FGF14: variants seen among roughly 807,000 people sequenced by gnomAD.
The protein encoded by FGF14 is fibroblast growth factor 14.
A neutral mutation model predicts 25.5 loss-of-function variants in FGF14; 5 were observed. The ratio of observed to expected loss-of-function variants is 0.20; its 90% CI spans 0.10 to 0.41. The LOEUF (loss-of-function observed/expected upper bound fraction) is 0.41. Among genes scored for constraint, FGF14 ranks in the 10% least tolerant of loss-of-function variants. FGF14 has a pLI of 1.00. For missense variants in FGF14, 222 were observed against 320.1 expected, an observed-to-expected ratio of 0.69 and a Z score of 2.34; for synonymous variants, 138 against 118.3, an observed-to-expected ratio of 1.17 and a Z score of -1.08.
intron 1 of FGF14, among the ~76,000 whole-genome samples, chr13:101,950,751 GT>G (rs61285721): frequency 0.15 from 19,119 of 131,770 alleles, 1,240 homozygotes; most frequent in East Asian, 0.44. Context: ...ACCTAATCAT[GT>G]TTTTTTTTTT....
intron 3 of FGF14, among the ~76,000 whole-genome samples, chr13:101,751,896 C>T (rs915589091): frequency 6.6e-6 from 1 of 151,972 alleles, no homozygotes; most frequent in Admixed American, 6.6e-5. Context: ...GATGTGGAAA[C>T]CTTCTCTGGG....
At chr13:102,154,307 C>A (rs1175216015) in intron 1 of FGF14, among the ~76,000 whole-genome samples, 1 of 151,688 alleles carries the variant, frequency 6.6e-6, no homozygotes, top group African/African-American at 2.4e-5. Context: ...ATCAGACTAA[C>A]AGCGGATCTC....
Position 101,715,847 on chromosome 13 carries a change from A to C in FGF14, c.*6984T>G, listed in dbSNP as rs558419283. 1 of 459,946 alleles carries C rather than the reference A, an allele frequency of 2.2e-6. No homozygotes were observed. The highest frequency in any genetic ancestry group is 2.0e-5 in the African/African-American group (1 of 50,148). 28.5% of individuals were successfully genotyped at this position (459,946 alleles called of 1,614,324 possible). On this transcript the variant is annotated 3_prime_UTR_variant, in exon 5 of 5. Coordinates refer to ENST00000376143, the MANE Select transcript of FGF14 (RefSeq NM_004115.4). ...TGCAAATTTAGATGCAAATAACATT[A>C]GAAAAAAAAGATTCTTCCATAATTA... is the stretch of plus-strand genomic sequence containing the variant.
chr13:101,779,806 A>G (rs1461381946), intron 3 of FGF14, among the ~76,000 whole-genome samples: 1 of 152,212 alleles, frequency 6.6e-6, no homozygotes, highest in Admixed American at 6.5e-5. Context: ...TATATTTACA[A>G]AAGGAACAAC....
At chr13:102,288,584 T>A (rs1283745572) in intron 1 of FGF14, among the ~76,000 whole-genome samples, 1 of 151,950 alleles carries the variant, frequency 6.6e-6, no homozygotes, top group Non-Finnish European at 1.5e-5. Context: ...TTATTTAAAA[T>A]TTTTTTATTT....
chr13:101,972,301 G>C (rs560369175), intron 1 of FGF14, among the ~76,000 whole-genome samples: 1 of 152,310 alleles, frequency 6.6e-6, no homozygotes, highest in East Asian at 1.9e-4. Context: ...GAGGCACAGT[G>C]AATGACTACC....
At chr13:102,277,239 A>G (rs2053594187) in intron 1 of FGF14, among the ~76,000 whole-genome samples, 1 of 152,256 alleles carries the variant, frequency 6.6e-6, no homozygotes, top group African/African-American at 2.4e-5. Flanking sequence ...TTCCTATTTA[A>G]AACAACTGCA....
chr13:102,076,757 A>C (rs1489448549), intron 1 of FGF14, among the ~76,000 whole-genome samples: 5 of 152,166 alleles, frequency 3.3e-5, no homozygotes, highest in Non-Finnish European at 1.5e-5. Flanking sequence ...TTTCACAGAA[A>C]TATCCAAAAA....
chr13:102,285,427 G>C (rs941266661), intron 1 of FGF14, among the ~76,000 whole-genome samples: 4 of 152,140 alleles, frequency 2.6e-5, no homozygotes, highest in African/African-American at 9.7e-5. Context: ...GACAGTTGGT[G>C]GGGTAAATGC....
rs141414216 is a variant in FGF14, at chr13:102,195,657, C to A, written c.208+205814G>T. On this transcript the variant is annotated intron_variant, in intron 1 of 4. Coordinates refer to the FGF14 transcript ENST00000376131. Reference sequence around the variant, plus strand: ...TGAAACCCCATCTGTACAAAAAATACAAAAATTAGTTGAGCATGGTGGCCA... The same window carrying A: ...TGAAACCCCATCTGTACAAAAAATAAAAAAATTAGTTGAGCATGGTGGCCA... Among the ~76,000 whole-genome samples, 576 of 151,598 alleles carry A rather than the reference C, an allele frequency of 3.8e-3. 4 individuals carry two copies. The highest frequency in any genetic ancestry group is 0.036 in the South Asian group (170 of 4,788).
At chr13:101,966,721 T>C (rs1459356467) in intron 1 of FGF14, among the ~76,000 whole-genome samples, 1 of 152,122 alleles carries the variant, frequency 6.6e-6, no homozygotes, top group Non-Finnish European at 1.5e-5. Flanking sequence ...GACCTCATGA[T>C]CCACCCACCT....
intron 1 of FGF14, among the ~76,000 whole-genome samples, chr13:102,162,251 C>T (rs192414869): frequency 7.6e-4 from 116 of 152,200 alleles, no homozygotes; most frequent in African/African-American, 2.8e-3. Flanking sequence ...ACAAAGCCTG[C>T]TATTTTAGGC....
At chr13:102,040,631 T>TC (rs1281199609) in intron 1 of FGF14, among the ~76,000 whole-genome samples, 2 of 152,186 alleles carry the variant, frequency 1.3e-5, no homozygotes, top group Non-Finnish European at 2.9e-5. Context: ...GATGGATATT[T>TC]GTTGGCTGTC....
chr13:102,165,524 A>G (rs1332259599), intron 1 of FGF14, among the ~76,000 whole-genome samples: 5 of 151,938 alleles, frequency 3.3e-5, no homozygotes, highest in African/African-American at 1.2e-4. Context: ...AGGGACATGG[A>G]TGAAGCTGGA....
intron 3 of FGF14, among the ~76,000 whole-genome samples, chr13:101,739,712 C>T (rs1404844830): frequency 6.6e-6 from 1 of 152,126 alleles, no homozygotes; most frequent in Non-Finnish European, 1.5e-5. Context: ...GGGTATTAGG[C>T]ATGAGTGAAA....
chr13:101,824,829 A>G (rs536718304), intron 3 of FGF14, among the ~76,000 whole-genome samples: 1 of 152,228 alleles, frequency 6.6e-6, no homozygotes, highest in Admixed American at 6.5e-5. Context: ...ATTTTAATCA[A>G]TCATGCCTAC....
intron 1 of FGF14, among the ~76,000 whole-genome samples, chr13:102,381,089 C>T (rs1401136691): frequency 6.6e-6 from 1 of 152,100 alleles, no homozygotes; most frequent in African/African-American, 2.4e-5. Context: ...TGTTGAATAC[C>T]TTATGCAATT....
intron 1 of FGF14, among the ~76,000 whole-genome samples, chr13:102,197,503 C>T (rs1298803035): frequency 1.3e-5 from 2 of 152,052 alleles, no homozygotes; most frequent in Non-Finnish European, 2.9e-5. Context: ...ACTGGTTGAG[C>T]TCTCTTGCAT....
At chr13:101,973,901 T>C (rs934692690) in intron 1 of FGF14, among the ~76,000 whole-genome samples, 2 of 152,250 alleles carry the variant, frequency 1.3e-5, no homozygotes, top group African/African-American at 4.8e-5. Flanking sequence ...TGATGGTTGA[T>C]GTTATTCAGT....
Sources: allele counts gnomAD v4.1 joint callset (sites outside exome capture counted in the v4.1 genomes callset), GRCh38; gene constraint gnomAD v4.1.1; transcripts MANE v1.5; gene names NCBI Gene and HGNC (gene_info 2026-07-23, HGNC 2026-07-21).